The following C12orf42 variants were observed in gnomAD, a reference collection of about 807,000 sequenced individuals.
C12orf42 encodes uncharacterized protein C12orf42.
A neutral mutation model predicts 21.6 loss-of-function variants in C12orf42; 25 were observed. The ratio of observed to expected loss-of-function variants is 1.16; its 90% confidence interval spans 0.84 to 1.62. C12orf42 has a LOEUF of 1.62. Among genes scored for constraint, C12orf42 ranks in the 40% most tolerant of loss-of-function variants. The pLI is 0.00. For synonymous variants in C12orf42, 174 were observed against 175.0 expected (o/e 0.99, Z 0.05); for missense variants, 483 against 459.3 (o/e 1.05, Z -0.47).
chr12:103,437,026 G>A (rs1217489809), intron 2 of C12orf42, among the ~76,000 whole-genome samples: 4 of 150,992 alleles, frequency 2.6e-5, no homozygotes, highest in African/African-American at 9.7e-5. Flanking sequence ...CTCAGCAAAT[G>A]TAAAAGAACA....
intron 10 of C12orf42, among the ~76,000 whole-genome samples, chr12:103,247,751 G>A (rs1365992457): frequency 6.6e-6 from 1 of 151,992 alleles, no homozygotes; most frequent in Non-Finnish European, 1.5e-5. Flanking sequence ...GTCTCTAGTG[G>A]TTAGGCTTGT....
intron 4 of C12orf42, among the ~76,000 whole-genome samples, chr12:103,278,692 T>C (rs2136296627): frequency 6.6e-6 from 1 of 152,354 alleles, no homozygotes; most frequent in South Asian, 2.1e-4. Flanking sequence ...ATTGCTCATG[T>C]ATTAATAGCA....
the C12orf42 span, among the ~76,000 whole-genome samples, chr12:103,138,321 G>A: frequency 6.6e-6 from 1 of 152,214 alleles, no homozygotes; most frequent in East Asian, 1.9e-4. Flanking sequence ...TCATGAGGGC[G>A]GATTTCCTCC....
the C12orf42 span, chr12:103,548,882 G>T: frequency 1.3e-5 from 2 of 152,080 alleles, no homozygotes; most frequent in Admixed American, 1.3e-4. Flanking sequence ...GACTTCTGAG[G>T]ATCCAAAAGC....
At chr12:103,446,200 G>T (rs1340140588) in intron 2 of C12orf42, among the ~76,000 whole-genome samples, 1 of 151,918 alleles carries the variant, frequency 6.6e-6, no homozygotes, top group Non-Finnish European at 1.5e-5. Context: ...AGGGATTGGG[G>T]TCCTATTTTT....
chr12:103,213,807 A>G, the C12orf42 span, among the ~76,000 whole-genome samples: 4 of 152,202 alleles, frequency 2.6e-5, no homozygotes, highest in Non-Finnish European at 5.9e-5. Context: ...TGAGTCCCCC[A>G]GCTGTCTTTT....
At chr12:103,117,868 A>C in the C12orf42 span, among the ~76,000 whole-genome samples, 1 of 152,234 alleles carries the variant, frequency 6.6e-6, no homozygotes, top group African/African-American at 2.4e-5. Flanking sequence ...CCAGCTTATT[A>C]GCCTCATAGT....
chr12:103,095,143 C>T, the C12orf42 span, among the ~76,000 whole-genome samples: 1 of 152,174 alleles, frequency 6.6e-6, no homozygotes, highest in African/African-American at 2.4e-5. Context: ...TAATAGCCCC[C>T]TGATTGGTCC....
the C12orf42 span, among the ~76,000 whole-genome samples, chr12:103,136,243 C>A: frequency 6.6e-6 from 1 of 152,034 alleles, no homozygotes; most frequent in African/African-American, 2.4e-5. Flanking sequence ...CATTTCTATG[C>A]ACCAATAACA....
At chr12:103,167,914 T>TG in the C12orf42 span, 132 of 216,350 alleles carry the variant, frequency 6.1e-4, 1 homozygote, top group African/African-American at 5.6e-3. Flanking sequence ...GTGTGTGTGT[T>TG]TGTGTCTGTG....
At chr12:103,490,164 C>G (rs1209170842) in intron 1 of C12orf42, among the ~76,000 whole-genome samples, 1 of 152,196 alleles carries the variant, frequency 6.6e-6, no homozygotes, top group Non-Finnish European at 1.5e-5. Flanking sequence ...GCTAAGCTCC[C>G]CACTTTATTT....
the C12orf42 span, among the ~76,000 whole-genome samples, chr12:103,526,310 CAGA>C: frequency 6.6e-6 from 1 of 152,094 alleles, no homozygotes; most frequent in East Asian, 1.9e-4. Context: ...TGTCAGAAAC[CAGA>C]ACTCAATTCT....
chr12:103,187,029 A>G, the C12orf42 span, among the ~76,000 whole-genome samples: 1 of 152,218 alleles, frequency 6.6e-6, no homozygotes, highest in African/African-American at 2.4e-5. Flanking sequence ...ATTACATACT[A>G]TACCATCAAA....
intron 4 of C12orf42, among the ~76,000 whole-genome samples, chr12:103,350,510 T>G (rs1021699046): frequency 6.6e-6 from 1 of 152,208 alleles, no homozygotes; most frequent in East Asian, 1.9e-4. Flanking sequence ...TATTTTATTA[T>G]TAGTTATAGT....
chr12:103,154,886 C>T, the C12orf42 span, among the ~76,000 whole-genome samples: 5 of 152,182 alleles, frequency 3.3e-5, no homozygotes, highest in African/African-American at 1.2e-4. Context: ...TTGCAACTGT[C>T]TACTGGCTTT....
chr12:103,145,880 T>C, the C12orf42 span, among the ~76,000 whole-genome samples: 1 of 152,106 alleles, frequency 6.6e-6, no homozygotes, highest in Non-Finnish European at 1.5e-5. Context: ...CCAAACAATA[T>C]GTAAAGTATG....
the C12orf42 span, among the ~76,000 whole-genome samples, chr12:103,115,742 C>A: frequency 6.6e-6 from 1 of 152,086 alleles, no homozygotes; most frequent in African/African-American, 2.4e-5. Context: ...CTTTTGTGAA[C>A]AAAAAGGGAC....
At chr12:103,234,302 A>G (rs1004778665), downstream of C12orf42, among the ~76,000 whole-genome samples, 7 of 152,166 alleles carry the variant, frequency 4.6e-5, no homozygotes, top group African/African-American at 1.7e-4. Flanking sequence ...ATTTATGCCT[A>G]TTAGAATAAG....
chr12:103,179,663 C>T, the C12orf42 span, among the ~76,000 whole-genome samples: 1 of 151,960 alleles, frequency 6.6e-6, no homozygotes, highest in Non-Finnish European at 1.5e-5. Context: ...CACTGAAAGG[C>T]CAAATTAGAA....
Sources: allele counts gnomAD v4.1 joint callset (sites outside exome capture counted in the v4.1 genomes callset), GRCh38; gene constraint gnomAD v4.1.1; transcripts MANE v1.5; gene names NCBI Gene and HGNC (gene_info 2026-07-23, HGNC 2026-07-21).